GIGYF2: variants seen among roughly 807,000 people sequenced by gnomAD.
The protein encoded by GIGYF2 is GRB10-interacting GYF protein 2.
In GIGYF2, 25 loss-of-function variants were observed where a neutral mutation model predicts 208.1. That is an observed-to-expected ratio of 0.12 (90% CI 0.09 to 0.17). The LOEUF (loss-of-function observed/expected upper bound fraction) is 0.17, where lower values mean the gene tolerates loss of function less well. GIGYF2 is among the 10% of genes least tolerant of loss of function. GIGYF2 has a pLI of 1.00. For missense variants in GIGYF2, 1,302 were observed against 1,579.4 expected (o/e 0.82, Z 2.98); for synonymous variants, 534 against 543.8 (o/e 0.98, Z 0.25).
intron 5 of GIGYF2, among the ~76,000 whole-genome samples, chr2:232,753,018 C>T (rs1698392044): frequency 6.6e-6 from 1 of 152,044 alleles, no homozygotes; most frequent in South Asian, 2.1e-4. Flanking sequence ...CTACAACTAT[C>T]TGTATATTCC....
intron 22 of GIGYF2, among the ~76,000 whole-genome samples, chr2:232,836,409 T>TAAATATATATATATATATAA (rs1701639666): frequency 1.5e-5 from 2 of 130,480 alleles, no homozygotes; most frequent in South Asian, 4.7e-4. Flanking sequence ...AATATATATA[T>TAAATATATATATATATATAA]AAATAAATTA....
chr2:232,808,073 C>G (rs577544825), intron 15 of GIGYF2, among the ~76,000 whole-genome samples: 1 of 152,140 alleles, frequency 6.6e-6, no homozygotes, highest in African/African-American at 2.4e-5. Context: ...AAATGTTGAT[C>G]TTAACCCAGT....
chr2:232,741,081 C>T lies in GIGYF2; in HGVS notation c.41+5843C>T, dbSNP rs530940320. ...ATAATGCTGTAAAGGAATTATAATG[C>T]AAGCACGGGATATTCAGCTGCCTAT... On this transcript the variant is annotated intron_variant, in intron 3 of 28. Transcript: ENST00000373563. Among the ~76,000 whole-genome samples the T allele has an allele frequency of 1.2e-4, 19 of 152,288 alleles. No homozygotes were observed. In the South Asian group the frequency reaches 3.3e-3, roughly 27 times the overall value.
At chr2:232,714,194 G>T (rs58520085) in intron 2 of GIGYF2, among the ~76,000 whole-genome samples, 1 of 151,946 alleles carries the variant, frequency 6.6e-6, no homozygotes, top group African/African-American at 2.4e-5. Flanking sequence ...CTCGTGATCC[G>T]CCCGTCTCGG....
chr2:232,713,207 C>A (rs1276620801), intron 2 of GIGYF2, among the ~76,000 whole-genome samples: 1 of 151,904 alleles, frequency 6.6e-6, no homozygotes, highest in East Asian at 1.9e-4. Context: ...TCCCGAATAG[C>A]TGGGATTACA....
At chr2:232,770,876 T>G in intron 8 of GIGYF2, 2 of 1,561,890 alleles carry the variant, frequency 1.3e-6, no homozygotes, top group Non-Finnish European at 1.8e-6. Context: ...TTGTTTTTGT[T>G]TTTTTTAAGA....
At chr2:232,706,599 G>C (rs185788151) in intron 2 of GIGYF2, among the ~76,000 whole-genome samples, 1 of 152,064 alleles carries the variant, frequency 6.6e-6, no homozygotes, top group South Asian at 2.1e-4. Flanking sequence ...CCAACACGGC[G>C]AAACCCTGTC....
intron 6 of GIGYF2, among the ~76,000 whole-genome samples, chr2:232,757,266 A>G (rs1698585084): frequency 6.6e-6 from 1 of 152,170 alleles, no homozygotes; most frequent in African/African-American, 2.4e-5. Context: ...CCAGGTGTGA[A>G]GTGTCTGATT....
rs561573618 is a variant in GIGYF2 at position 232,856,547 on chromosome 2, G to T, written c.3833-246G>T. 3.9e-5 allele frequency among the ~76,000 whole-genome samples: 6 copies of T among 152,190 alleles called. No homozygotes were observed. In the East Asian group the frequency reaches 1.2e-3, roughly 30 times the overall value. On this transcript the variant is annotated intron_variant, in intron 28 of 28. Coordinates refer to ENST00000373563, the MANE Select transcript of GIGYF2 (RefSeq NM_001103146.3). ...TCTACTAAAAATACAAAAAAAATGAGACGGGCATGGTGGCATGTGTCTGTA... is the reference window on the plus strand; with the variant it reads ...TCTACTAAAAATACAAAAAAAATGATACGGGCATGGTGGCATGTGTCTGTA...
chr2:232,744,641 C>T (rs1240473851), intron 3 of GIGYF2, among the ~76,000 whole-genome samples: 1 of 151,742 alleles, frequency 6.6e-6, no homozygotes, highest in Non-Finnish European at 1.5e-5. Flanking sequence ...GAGCAGTCCT[C>T]CCACCTCAGC....
intron 22 of GIGYF2, among the ~76,000 whole-genome samples, chr2:232,839,561 T>C (rs1701755199): frequency 6.6e-6 from 1 of 152,244 alleles, no homozygotes; most frequent in Admixed American, 6.5e-5. Flanking sequence ...TTTATGTCAG[T>C]ACCAGATGTA....
At chr2:232,849,471 A>G (rs1690221959) in intron 27 of GIGYF2, among the ~76,000 whole-genome samples, 1 of 152,096 alleles carries the variant, frequency 6.6e-6, no homozygotes, top group Admixed American at 6.6e-5. Context: ...GCCCTAGGAA[A>G]AATATTTTAA....
chr2:232,753,573 C>T (rs749542149), intron 5 of GIGYF2, among the ~76,000 whole-genome samples: 3 of 152,004 alleles, frequency 2.0e-5, no homozygotes, highest in Non-Finnish European at 4.4e-5. Context: ...ACAGTTTTAA[C>T]CTAAGCATCT....
chr2:232,732,128 G>C (rs1426736613), intron 2 of GIGYF2, among the ~76,000 whole-genome samples: 1 of 152,158 alleles, frequency 6.6e-6, no homozygotes, highest in African/African-American at 2.4e-5. Context: ...CAGTAGTTAA[G>C]GGAATTCTCT....
chr2:232,766,664 ATTC>A (rs1386607178), intron 8 of GIGYF2: 2 of 152,316 alleles, frequency 1.3e-5, no homozygotes, highest in South Asian at 2.1e-4. Flanking sequence ...TGTTCTTGAT[ATTC>A]TTCTGCTATT....
Position 232,760,659 on chromosome 2 carries a change from G to A in GIGYF2, c.491+68G>A, listed in dbSNP as rs1024895564. 1.3e-4 allele frequency: 120 copies of A among 958,418 alleles called. No homozygotes were observed. The African/African-American group carries it at 1.3e-3, about 10-fold the overall frequency. 59.4% of individuals were successfully genotyped at this position (958,418 alleles called of 1,614,324 possible). A position where few individuals can be genotyped will look rare whatever the true frequency, so the allele number is the denominator to read the frequency against. Reference sequence around the variant, plus strand: ...AAAACTTATATTTTTTGCTTTCTGCGGGGAGAAATGTTTTTGTACAGTTAA... The same window carrying A: ...AAAACTTATATTTTTTGCTTTCTGCAGGGAGAAATGTTTTTGTACAGTTAA... On this transcript the variant is annotated intron_variant, in intron 7 of 28. Transcript: ENST00000373563.
intron 14 of GIGYF2, among the ~76,000 whole-genome samples, chr2:232,804,521 T>G (rs904775297): frequency 2.0e-5 from 3 of 152,110 alleles, no homozygotes; most frequent in African/African-American, 7.2e-5. Flanking sequence ...AGATGGAGTC[T>G]CACTCTGTCA....
In GIGYF2 at chr2:232,735,230, G is replaced by C; in HGVS notation, c.33G>C (p.Gly11=). The change falls in exon 3 of 29, where the codon GGG becomes GGC. Residue 11 remains glycine, a synonymous_variant. Coordinates refer to ENST00000373563, the MANE Select transcript of GIGYF2 (RefSeq NM_001103146.3). MAAETQTLNF[G]PEWLRALSSG... Reference sequence around the variant, plus strand: ...CGGAAACGCAGACACTGAACTTTGGGCCTGAATGGTGAGTTTTCAAAATCT... The same window carrying C: ...CGGAAACGCAGACACTGAACTTTGGCCCTGAATGGTGAGTTTTCAAAATCT... The C allele has an allele frequency of 6.2e-7, 1 of 1,607,002 alleles. No individual in the cohort carries two copies. Among genetic ancestry groups the C allele is most frequent in the East Asian group, 2.2e-5 (1 of 44,832 alleles).
At chr2:232,753,401 G>T (rs2106318121) in intron 5 of GIGYF2, among the ~76,000 whole-genome samples, 1 of 152,278 alleles carries the variant, frequency 6.6e-6, no homozygotes, top group East Asian at 1.9e-4. Flanking sequence ...TGGGATTACA[G>T]GCATCTGCCA....
Sources: gnomAD v4.1 joint callset for allele counts (sites outside exome capture counted in the v4.1 genomes callset) on GRCh38, gnomAD v4.1.1 for gene constraint, MANE v1.5 for transcripts, NCBI Gene and HGNC (gene_info 2026-07-23, HGNC 2026-07-21) for gene names.